The following NDUFAF6 variants were observed in gnomAD, a reference collection of about 807,000 sequenced individuals.
NDUFAF6 encodes NADH dehydrogenase (ubiquinone) complex I, assembly factor 6.
NDUFAF6 carries 45 observed loss-of-function variants against 40.8 expected under a neutral mutation model. The observed-to-expected ratio is 1.10, with a 90% confidence interval of 0.87 to 1.42. NDUFAF6 has a LOEUF of 1.42. Ranked by LOEUF, NDUFAF6 falls within the 40% of genes most tolerant of loss-of-function variation. The pLI is 0.00. For synonymous variants in NDUFAF6, 185 were observed against 155.9 expected, an observed-to-expected ratio of 1.19 and a Z score of -1.39; for missense variants, 435 against 418.5, an observed-to-expected ratio of 1.04 and a Z score of -0.34.
At chr8:95,023,725 C>T (rs1287936402), upstream of NDUFAF6, among the ~76,000 whole-genome samples, 3 of 152,112 alleles carry the variant, frequency 2.0e-5, no homozygotes, top group Admixed American at 6.5e-5. Flanking sequence ...ACCATGTGAA[C>T]AAATATTCAA....
intron 1 of NDUFAF6, among the ~76,000 whole-genome samples, chr8:94,934,158 AAAC>A (rs1472198671): frequency 2.6e-5 from 4 of 152,312 alleles, no homozygotes; most frequent in East Asian, 1.9e-4. Context: ...AGAAAAAAAA[AAAC>A]ACAATCTGGA....
downstream of NDUFAF6, among the ~76,000 whole-genome samples, chr8:95,117,848 A>G (rs1392078603): frequency 1.3e-5 from 2 of 152,184 alleles, no homozygotes; most frequent in Non-Finnish European, 2.9e-5. Context: ...TCACTGAGTC[A>G]CTGCATGGAT....
chr8:95,086,957 A>C lies in NDUFAF6; in HGVS notation n.213+11205A>C, dbSNP rs147979665. Among the ~76,000 whole-genome samples, 203 of 152,084 alleles carry C rather than the reference A, an allele frequency of 1.3e-3. 7 individuals are homozygous for C. In the East Asian group the frequency reaches 0.034, roughly 25 times the overall value. ...GTGTGATCAGGTCAACACATCCTAG[A>C]GTCCCTGCAGGGGTGATGGGCACTG... On this transcript the variant is annotated intron_variant and non_coding_transcript_variant, in intron 2 of 5. Transcript: ENST00000523184.
At chr8:95,005,155 TG>T (rs1249957378) in intron 2 of NDUFAF6, among the ~76,000 whole-genome samples, 9 of 152,052 alleles carry the variant, frequency 5.9e-5, no homozygotes, top group African/African-American at 2.2e-4. Flanking sequence ...CTTGGTAAAA[TG>T]GGAGAAAAAA....
downstream of NDUFAF6, among the ~76,000 whole-genome samples, chr8:95,105,060 CACACACAGAGAGAGAGAG>C (rs941320323): frequency 3.4e-5 from 2 of 58,898 alleles, no homozygotes; most frequent in Non-Finnish European, 3.0e-5. Flanking sequence ...CACACACACA[CACACACAGAGAGAGAGAG>C]AGAGAGAGAG....
intron 1 of NDUFAF6, among the ~76,000 whole-genome samples, chr8:94,920,655 C>T (rs570288943): frequency 1.3e-5 from 2 of 152,280 alleles, no homozygotes; most frequent in South Asian, 4.2e-4. Context: ...AGTGTTGTTG[C>T]AGAATGTCTG....
chr8:94,958,802 C>T (rs144348259), intron 1 of NDUFAF6, among the ~76,000 whole-genome samples: 208 of 152,224 alleles, frequency 1.4e-3, no homozygotes, highest in South Asian at 5.8e-3. Context: ...TGAGCCACTG[C>T]GCCCAGTCAT....
At chr8:95,036,790 A>C (rs558552803) in intron 3 of NDUFAF6, among the ~76,000 whole-genome samples, 2 of 152,356 alleles carry the variant, frequency 1.3e-5, no homozygotes, top group South Asian at 4.1e-4. Flanking sequence ...ATATCTGCCA[A>C]TTTAGGATTG....
chr8:95,013,600 G>A lies in NDUFAF6; in HGVS notation c.-83-18395G>A, dbSNP rs181705153. Reference sequence around the variant, plus strand: ...TTAACAGATATTGATTGCATACCTCGATATACTAGGCACTGTTTTAAGTGC... The same window carrying A: ...TTAACAGATATTGATTGCATACCTCAATATACTAGGCACTGTTTTAAGTGC... On this transcript the variant is annotated intron_variant, in intron 2 of 9. Transcript: ENST00000396111. 2.6e-5 allele frequency among the ~76,000 whole-genome samples: 4 copies of A among 152,272 alleles called. No homozygotes were observed. The East Asian group carries it at 7.7e-4, about 29-fold the overall frequency.
chr8:94,925,688 C>T (rs1370727665), intron 1 of NDUFAF6, among the ~76,000 whole-genome samples: 2 of 151,882 alleles, frequency 1.3e-5, no homozygotes, highest in Non-Finnish European at 2.9e-5. Flanking sequence ...TACAAGTGCA[C>T]ACCACCACGC....
chr8:94,963,110 G>A (rs116496427), intron 1 of NDUFAF6, among the ~76,000 whole-genome samples: 3,311 of 151,990 alleles, frequency 0.022, 51 homozygotes, highest in African/African-American at 0.039. Context: ...TCCTTTTCGT[G>A]TGAGAAAAAA....
intron 1 of NDUFAF6, chr8:94,939,655 C>T (rs1252212439): frequency 2.9e-6 from 2 of 699,864 alleles, no homozygotes; most frequent in South Asian, 3.4e-5. Context: ...GCCTTGGCCT[C>T]CCAAAGTGCT....
At chr8:95,095,544 G>C (rs751776400), upstream of NDUFAF6, among the ~76,000 whole-genome samples, 1 of 152,098 alleles carries the variant, frequency 6.6e-6, no homozygotes, top group Non-Finnish European at 1.5e-5. Flanking sequence ...CTGGCCTGAG[G>C]CTGTTAAATT....
intron 2 of NDUFAF6, among the ~76,000 whole-genome samples, chr8:95,084,401 A>G (rs565538881): frequency 6.7e-4 from 102 of 152,318 alleles, no homozygotes; most frequent in African/African-American, 2.4e-3. Flanking sequence ...AGAAAACGTC[A>G]TCTGTGTTTA....
downstream of NDUFAF6, among the ~76,000 whole-genome samples, chr8:95,062,857 A>G (rs940809059): frequency 1.3e-5 from 2 of 152,232 alleles, no homozygotes; most frequent in Middle Eastern, 3.2e-3. Context: ...TCGAATGAAC[A>G]TGCTGTAGTA....
chr8:94,992,962 G>GT (rs1826259729), intron 2 of NDUFAF6, among the ~76,000 whole-genome samples: 1 of 152,206 alleles, frequency 6.6e-6, no homozygotes, highest in Admixed American at 6.5e-5. Flanking sequence ...TCCTGCCTCT[G>GT]TAAGTGTATT....
chr8:95,106,512 C>T (rs1380313805), downstream of NDUFAF6, among the ~76,000 whole-genome samples: 1 of 152,072 alleles, frequency 6.6e-6, no homozygotes, highest in Non-Finnish European at 1.5e-5. Context: ...AACATAAGAC[C>T]TAAAACCATA....
At chr8:94,956,622 C>T (rs184290410), upstream of NDUFAF6, among the ~76,000 whole-genome samples, 14 of 152,220 alleles carry the variant, frequency 9.2e-5, no homozygotes, top group East Asian at 2.5e-3. Flanking sequence ...AAGAATCCCC[C>T]TGGCTACTGT....
At chr8:95,065,225 C>T (rs1250075903) in intron 9 of NDUFAF6, among the ~76,000 whole-genome samples, 3 of 152,192 alleles carry the variant, frequency 2.0e-5, no homozygotes, top group African/African-American at 7.2e-5. Flanking sequence ...ACAGGTAAAA[C>T]AACCTTGGGC....
Sources: gnomAD v4.1 joint callset for allele counts (sites outside exome capture counted in the v4.1 genomes callset) on GRCh38, gnomAD v4.1.1 for gene constraint, MANE v1.5 for transcripts, NCBI Gene and HGNC (gene_info 2026-07-23, HGNC 2026-07-21) for gene names.